Variants in CEP128 observed in about 807,000 individuals in gnomAD.
CEP128 encodes centrosomal protein 128, also known as centrosomal protein 128kDa.
Under a neutral mutation model 156.7 loss-of-function variants are expected in CEP128, and 132 were observed. The observed-to-expected ratio is 0.84, with a 90% confidence interval of 0.73 to 0.97. The LOEUF (loss-of-function observed/expected upper bound fraction) is 0.97. CEP128 is among the 50% of genes least tolerant of loss of function. The pLI is 0.00. For synonymous variants in CEP128, 469 were observed against 448.9 expected (o/e 1.04, Z -0.57); for missense variants, 1,252 against 1,281.9 (o/e 0.98, Z 0.36).
intron 23 of CEP128, among the ~76,000 whole-genome samples, chr14:80,516,497 T>C (rs1051741881): frequency 2.6e-5 from 4 of 152,282 alleles, no homozygotes; most frequent in Admixed American, 2.6e-4. Context: ...GTCACTCCAA[T>C]GGCTCCAAGC....
At chr14:80,890,934 G>T (rs557381408) in intron 8 of CEP128, among the ~76,000 whole-genome samples, 1 of 152,124 alleles carries the variant, frequency 6.6e-6, no homozygotes, top group South Asian at 2.1e-4. Flanking sequence ...CGGCAAACAG[G>T]TATACAAAAA....
At chr14:80,827,941 G>GAGCC (rs1299719859) in intron 13 of CEP128, among the ~76,000 whole-genome samples, 6 of 151,932 alleles carry the variant, frequency 3.9e-5, no homozygotes, top group African/African-American at 1.5e-4. Context: ...TTGTTAATAT[G>GAGCC]AGCCAGTCTC....
Position 80,788,489 on chromosome 14 carries a change from A to G in CEP128, c.1561-2944T>C, listed in dbSNP as rs570384241. 3.3e-5 allele frequency among the ~76,000 whole-genome samples: 5 copies of G among 152,164 alleles called. No individual in the cohort carries two copies. The East Asian group carries it at 9.7e-4, about 30-fold the overall frequency. On this transcript the variant is annotated intron_variant, in intron 14 of 24. Coordinates refer to ENST00000555265, the MANE Select transcript of CEP128 (RefSeq NM_152446.5). ...GAAACGAACAAAACTCTCTGCTTTTAGACAGACCAGTTTCAACCTAAACTT... is the reference window on the plus strand; with the variant it reads ...GAAACGAACAAAACTCTCTGCTTTTGGACAGACCAGTTTCAACCTAAACTT...
In CEP128 at chr14:80,613,184, A is replaced by G. The variant is rs980451004; in HGVS notation, c.2807-32761T>C. On this transcript the variant is annotated intron_variant, in intron 19 of 24. Coordinates refer to ENST00000555265, the MANE Select transcript of CEP128 (RefSeq NM_152446.5). Reference sequence around the variant, plus strand: ...TGCTCTTCCAAAAGTTTAGAAATAAAAGTACTTGTTAAGTAATGATGGTTT... The same window carrying G: ...TGCTCTTCCAAAAGTTTAGAAATAAGAGTACTTGTTAAGTAATGATGGTTT... 5.3e-5 allele frequency among the ~76,000 whole-genome samples: 8 copies of G among 151,808 alleles called. No individual in the cohort carries two copies. The South Asian group carries it at 6.2e-4, about 12-fold the overall frequency.
chr14:80,671,372 AGTG>A lies in CEP128; in HGVS notation c.2806+71700_2806+71702del, dbSNP rs373911930. 7.9e-5 allele frequency among the ~76,000 whole-genome samples: 12 copies of A among 152,312 alleles called. No individual in the cohort carries two copies. The East Asian group carries it at 1.7e-3, about 22-fold the overall frequency. On this transcript the variant is annotated intron_variant, in intron 19 of 24. Coordinates refer to ENST00000555265, the MANE Select transcript of CEP128 (RefSeq NM_152446.5). Reference sequence around the variant, plus strand: ...GGCCTTGGATTGTAGGTAAGATACTAGTGGTGTCAGACAATTTATGTTCTCTGA... The same window carrying A: ...GGCCTTGGATTGTAGGTAAGATACTAGTGTCAGACAATTTATGTTCTCTGA...
chr14:80,537,478 A>C (rs1889537331), intron 21 of CEP128, among the ~76,000 whole-genome samples: 1 of 152,166 alleles, frequency 6.6e-6, no homozygotes, highest in South Asian at 2.1e-4. Flanking sequence ...GATATAAAGA[A>C]AAAATAACAC....
chr14:80,946,990 C>T (rs573990997), intron 2 of CEP128, among the ~76,000 whole-genome samples: 1 of 152,174 alleles, frequency 6.6e-6, no homozygotes, highest in Non-Finnish European at 1.5e-5. Context: ...CTCCCTTTCT[C>T]CCACTCTGCC....
At chr14:80,776,044 G>C (rs1224705597) in intron 16 of CEP128, among the ~76,000 whole-genome samples, 1 of 152,052 alleles carries the variant, frequency 6.6e-6, no homozygotes, top group Non-Finnish European at 1.5e-5. Context: ...ACGTTGGCCA[G>C]GCTGGTCTAG....
chr14:80,903,279 T>C lies in CEP128; in HGVS notation c.480+1534A>G, dbSNP rs564330714. Among the ~76,000 whole-genome samples the C allele has an allele frequency of 2.6e-5, 4 of 152,242 alleles. No homozygotes were observed. In the South Asian group the frequency reaches 8.3e-4, roughly 32 times the overall value. On this transcript the variant is annotated intron_variant, in intron 6 of 24. Transcript: ENST00000555265. ...GGAAAGGATAGTGTCCTCAATAAAT[T>C]GTGTTGACAAAACTGCATATACATG...
intron 13 of CEP128, among the ~76,000 whole-genome samples, chr14:80,809,930 A>G (rs1048122972): frequency 2.6e-5 from 4 of 152,130 alleles, no homozygotes. Context: ...AAAAGCAAAC[A>G]TAAAAATAAA....
At chr14:80,789,385 A>T (rs1901586298) in intron 14 of CEP128, among the ~76,000 whole-genome samples, 1 of 152,152 alleles carries the variant, frequency 6.6e-6, no homozygotes, top group Non-Finnish European at 1.5e-5. Context: ...ATGAAGATAA[A>T]ATTTAAACAC....
In CEP128 at chr14:80,785,283, T is replaced by C; in HGVS notation, c.1823A>G (p.Glu608Gly). 1 of 1,614,198 alleles carries C rather than the reference T, an allele frequency of 6.2e-7. No homozygotes were observed. The highest frequency in any genetic ancestry group is 8.5e-7 in the Non-Finnish European group (1 of 1,180,030). Reference protein sequence around the residue: ...QSKIQSQMKVEKAHLEEEIAE... With the variant: ...QSKIQSQMKVGKAHLEEEIAE... Reference sequence around the variant, plus strand: ...AATTTCTTCCTCCAAGTGAGCTTTCTCAACTTTCATCTGGCTTTGGATCTT... The same window carrying C: ...AATTTCTTCCTCCAAGTGAGCTTTCCCAACTTTCATCTGGCTTTGGATCTT... Residue 608 changes from glutamate to glycine, a missense_variant, in exon 15 of 25, where the codon GAG becomes GGG. By Grantham distance (98) the Glu-to-Gly change is moderately conservative. Transcript: ENST00000555265.
chr14:80,634,778 C>T (rs780392128), intron 19 of CEP128, among the ~76,000 whole-genome samples: 12 of 152,138 alleles, frequency 7.9e-5, no homozygotes, highest in Non-Finnish European at 1.6e-4. Context: ...GCTTACCTCC[C>T]GATGCCTGAA....
At chr14:80,623,700 A>C (rs1417608595) in intron 19 of CEP128, among the ~76,000 whole-genome samples, 2 of 152,054 alleles carry the variant, frequency 1.3e-5, no homozygotes, top group Non-Finnish European at 2.9e-5. Context: ...AAAGCAAATA[A>C]CTTAAAAGCT....
intron 19 of CEP128, among the ~76,000 whole-genome samples, chr14:80,710,093 T>C (rs1457160993): frequency 1.3e-5 from 2 of 152,068 alleles, no homozygotes; most frequent in Non-Finnish European, 2.9e-5. Flanking sequence ...AGATATTCTA[T>C]ACCTACAACT....
intron 21 of CEP128, among the ~76,000 whole-genome samples, chr14:80,550,258 T>A (rs922131853): frequency 1.6e-4 from 24 of 152,216 alleles, no homozygotes; most frequent in African/African-American, 5.8e-4. Context: ...GCTGATTAAA[T>A]GCCGACTAAT....
chr14:80,956,909 G>A (rs570270502), intron 2 of CEP128, among the ~76,000 whole-genome samples: 21 of 152,274 alleles, frequency 1.4e-4, no homozygotes, highest in African/African-American at 5.1e-4. Flanking sequence ...TCTCCATGCT[G>A]CCACCACAGA....
chr14:80,507,829 G>C (rs1381501016), intron 23 of CEP128, among the ~76,000 whole-genome samples: 1 of 152,100 alleles, frequency 6.6e-6, no homozygotes, highest in Non-Finnish European at 1.5e-5. Context: ...TTCCTAAAAG[G>C]CATGGTTTTA....
intron 19 of CEP128, among the ~76,000 whole-genome samples, chr14:80,586,692 C>T (rs1387083219): frequency 2.6e-5 from 4 of 152,228 alleles, no homozygotes; most frequent in East Asian, 1.9e-4. Flanking sequence ...TGGGAGATGA[C>T]GTCCAAAAAT....
Sources: allele counts gnomAD v4.1 joint callset (sites outside exome capture counted in the v4.1 genomes callset), GRCh38; gene constraint gnomAD v4.1.1; transcripts MANE v1.5; gene names NCBI Gene and HGNC (gene_info 2026-07-23, HGNC 2026-07-21).